UNC5D: variants seen among roughly 807,000 people sequenced by gnomAD.
The protein encoded by UNC5D is netrin receptor UNC5D.
Under a neutral mutation model 105.4 loss-of-function variants are expected in UNC5D, and 39 were observed. That is an observed-to-expected ratio of 0.37 (90% CI 0.29 to 0.48). The LOEUF is 0.48. UNC5D is among the 20% of genes least tolerant of loss of function. UNC5D has a pLI of 0.98. For missense variants in UNC5D, 991 were observed against 1,202.4 expected (o/e 0.82, Z 2.60); for synonymous variants, 452 against 450.4 (o/e 1.00, Z -0.04).
At chr8:35,481,437 A>G (rs1177803157) in intron 1 of UNC5D, among the ~76,000 whole-genome samples, 2 of 152,150 alleles carry the variant, frequency 1.3e-5, no homozygotes, top group Non-Finnish European at 2.9e-5. Flanking sequence ...ACCACAAAAA[A>G]CTAAAATCAA....
rs114619261 is a variant in UNC5D at position 35,748,814 on chromosome 8, C to A, written c.1935+119C>A. On this transcript the variant is annotated intron_variant, in intron 12 of 16. Coordinates refer to ENST00000404895, the MANE Select transcript of UNC5D (RefSeq NM_080872.4). ...TTCGTTGTTGGCAAAGGGTTGGTGG[C>A]AAGTGTTTTATAATATCCTAAACAT... The A allele has an allele frequency of 2.0e-3, 2,376 of 1,188,940 alleles. 42 individuals carry two copies. In the African/African-American group the frequency reaches 0.033, roughly 16 times the overall value. 73.6% of individuals were successfully genotyped at this position (1,188,940 alleles called of 1,614,324 possible).
chr8:35,369,048 G>C (rs1802286693), intron 1 of UNC5D, among the ~76,000 whole-genome samples: 1 of 152,176 alleles, frequency 6.6e-6, no homozygotes, highest in African/African-American at 2.4e-5. Flanking sequence ...ATGGCAGTCT[G>C]ACAAGACTAT....
intron 4 of UNC5D, among the ~76,000 whole-genome samples, chr8:35,643,604 T>C (rs77827846): frequency 0.015 from 2,229 of 152,282 alleles, 32 homozygotes; most frequent in Non-Finnish European, 0.021. Flanking sequence ...GATCTCGAAC[T>C]CCTGACCTTA....
At chr8:35,734,345 A>G (rs1326503637) in intron 11 of UNC5D, among the ~76,000 whole-genome samples, 1 of 144,772 alleles carries the variant, frequency 6.9e-6, no homozygotes, top group Non-Finnish European at 1.6e-5. Context: ...CAAAAAAAAA[A>G]AAAAAAAAAA....
intron 1 of UNC5D, among the ~76,000 whole-genome samples, chr8:35,417,373 A>G (rs1039190651): frequency 6.6e-6 from 1 of 152,138 alleles, no homozygotes; most frequent in African/African-American, 2.4e-5. Context: ...TAGTCAAAGA[A>G]GGATGTGCAG....
intron 4 of UNC5D, among the ~76,000 whole-genome samples, chr8:35,641,433 A>AGGGATGGG (rs532691172): frequency 1.3e-5 from 2 of 151,088 alleles, no homozygotes; most frequent in Non-Finnish European, 3.0e-5. Context: ...ATAGGTCCAC[A>AGGGATGGG]GGGATGGGGT....
intron 4 of UNC5D, among the ~76,000 whole-genome samples, chr8:35,625,956 C>T (rs1821677199): frequency 6.6e-6 from 1 of 152,184 alleles, no homozygotes; most frequent in South Asian, 2.1e-4. Context: ...CTCTGAAACC[C>T]ATGAAGCTGG....
chr8:35,605,748 T>G (rs1395748795), intron 4 of UNC5D, among the ~76,000 whole-genome samples: 1 of 152,156 alleles, frequency 6.6e-6, no homozygotes, highest in Non-Finnish European at 1.5e-5. Flanking sequence ...ACTAAAGAAA[T>G]AAAAATTTAT....
intron 1 of UNC5D, among the ~76,000 whole-genome samples, chr8:35,309,907 A>C (rs1808743711): frequency 6.6e-6 from 1 of 152,202 alleles, no homozygotes; most frequent in East Asian, 1.9e-4. Context: ...TCTTCAACCT[A>C]GTATACCAAC....
chr8:35,528,485 T>G (rs1038534853), intron 1 of UNC5D, among the ~76,000 whole-genome samples: 1 of 147,112 alleles, frequency 6.8e-6, no homozygotes, highest in African/African-American at 2.5e-5. Flanking sequence ...TTTGCTATTG[T>G]GAATAATGCC....
intron 4 of UNC5D, among the ~76,000 whole-genome samples, chr8:35,667,372 C>T (rs1824494421): frequency 6.6e-6 from 1 of 152,120 alleles, no homozygotes; most frequent in African/African-American, 2.4e-5. Flanking sequence ...TTTTCCAAAA[C>T]ACTGTTAGCT....
chr8:35,260,464 C>T (rs1463739579), intron 1 of UNC5D, among the ~76,000 whole-genome samples: 1 of 152,100 alleles, frequency 6.6e-6, no homozygotes, highest in Non-Finnish European at 1.5e-5. Flanking sequence ...TTTATTTATG[C>T]TTATTATTAT....
intron 1 of UNC5D, among the ~76,000 whole-genome samples, chr8:35,384,373 A>G (rs1358076037): frequency 6.6e-6 from 1 of 152,186 alleles, no homozygotes; most frequent in Non-Finnish European, 1.5e-5. Flanking sequence ...TACTATAAAT[A>G]TGGGTGCACT....
intron 1 of UNC5D, among the ~76,000 whole-genome samples, chr8:35,506,308 T>C (rs1397741498): frequency 6.6e-6 from 1 of 152,232 alleles, no homozygotes; most frequent in Non-Finnish European, 1.5e-5. Flanking sequence ...CTTGGATACA[T>C]CTTTTTAAGT....
rs1255843323 is a variant in UNC5D at position 35,795,591 on chromosome 8, T to C, written c.*5028T>C. On this transcript the variant is annotated 3_prime_UTR_variant, in exon 17 of 17. Coordinates refer to ENST00000404895, the MANE Select transcript of UNC5D (RefSeq NM_080872.4). ...ATAATTCCAATATCCCTCCATTAACTAGTTCCAGTGATGCTGAGAGACACA... is the reference window on the plus strand; with the variant it reads ...ATAATTCCAATATCCCTCCATTAACCAGTTCCAGTGATGCTGAGAGACACA... 1.3e-5 allele frequency: 2 copies of C among 152,146 alleles called. No homozygotes were observed. The highest frequency in any genetic ancestry group is 2.9e-5 in the Non-Finnish European group (2 of 68,010). The allele number at this position is 152,146 out of a possible 1,614,324, so 9.4% of individuals were successfully genotyped here. A position where few individuals can be genotyped will look rare whatever the true frequency, so the allele number is the denominator to read the frequency against.
In UNC5D at chr8:35,793,232, GA is replaced by G. The variant is rs550647981; in HGVS notation, c.*2671del. ...GTATGTTACAATACAATTTCAAAGAGAACCCACATTTGTGAGATTTACAGAC... is the reference window on the plus strand; with the variant it reads ...GTATGTTACAATACAATTTCAAAGAGACCCACATTTGTGAGATTTACAGAC... On this transcript the variant is annotated 3_prime_UTR_variant, in exon 17 of 17. Transcript: ENST00000404895. 2.9e-4 allele frequency: 125 copies of G among 433,594 alleles called. No homozygotes were observed. Among genetic ancestry groups the G allele is most frequent in the African/African-American group, 2.1e-3 (105 of 49,158 alleles). 26.9% of individuals were successfully genotyped at this position (433,594 alleles called of 1,614,324 possible).
At chr8:35,388,226 T>C (rs947888486) in intron 1 of UNC5D, among the ~76,000 whole-genome samples, 4 of 152,066 alleles carry the variant, frequency 2.6e-5, no homozygotes, top group Admixed American at 1.3e-4. Flanking sequence ...TAGCCAGGCA[T>C]GGTGGCAGGC....
At chr8:35,615,211 C>T (rs946998199) in intron 4 of UNC5D, among the ~76,000 whole-genome samples, 5 of 152,150 alleles carry the variant, frequency 3.3e-5, no homozygotes, top group East Asian at 1.9e-4. Context: ...TGCACTCCAG[C>T]GTGGGGCCAG....
At chr8:35,461,050 T>G (rs939040007) in intron 1 of UNC5D, among the ~76,000 whole-genome samples, 1 of 152,236 alleles carries the variant, frequency 6.6e-6, no homozygotes, top group Non-Finnish European at 1.5e-5. Flanking sequence ...TAGGGATTGT[T>G]GTACTTGACA....
Sources: allele counts gnomAD v4.1 joint callset (sites outside exome capture counted in the v4.1 genomes callset), GRCh38; gene constraint gnomAD v4.1.1; transcripts MANE v1.5; gene names NCBI Gene and HGNC (gene_info 2026-07-23, HGNC 2026-07-21).